The following PRR14L variants were observed in gnomAD, a reference collection of about 807,000 sequenced individuals.
The protein encoded by PRR14L is proline rich 14 like.
Under a neutral mutation model 155.0 loss-of-function variants are expected in PRR14L, and 80 were observed. That is an observed-to-expected ratio of 0.52 (90% confidence interval 0.43 to 0.62). PRR14L has a LOEUF of 0.62. Among genes scored for constraint, PRR14L ranks in the 20% least tolerant of loss-of-function variants. PRR14L has a pLI of 0.00. For synonymous variants in PRR14L, 883 were observed against 916.0 expected (o/e 0.96, Z 0.65); for missense variants, 2,469 against 2,548.0 (o/e 0.97, Z 0.67).
At chr22:31,727,455 G>C (rs9609354) in intron 2 of PRR14L, among the ~76,000 whole-genome samples, 81 of 151,496 alleles carry the variant, frequency 5.3e-4, no homozygotes, top group African/African-American at 1.9e-3. Flanking sequence ...AGCTGGTCTC[G>C]AACTCCTGAG....
chr22:31,715,750 T>C lies in PRR14L; in HGVS notation c.2089A>G (p.Arg697Gly). ...HQSHHPPLEG[R>G]ADVIADIQTI... The stretch of plus-strand genomic sequence containing the variant: ...TGTATATCAGCAATGACATCTGCTC[T>C]ACCCTCTAATGGAGGGTGATGGCTC... The change falls in exon 4 of 9, where the codon AGA becomes GGA. Residue 697 changes from arginine to glycine, a missense_variant. Physicochemically the swap from Arg to Gly is moderately radical, Grantham distance 125. This residue lies in a region of PRR14L where 2,363 missense variants were observed against 2,371.6 expected (regional missense o/e 1.00). Coordinates refer to ENST00000327423, the MANE Select transcript of PRR14L (RefSeq NM_173566.3). 2 of 1,551,786 alleles carry C rather than the reference T, an allele frequency of 1.3e-6. No homozygotes were observed. The highest frequency in any genetic ancestry group is 1.7e-6 in the Non-Finnish European group (2 of 1,146,716).
At chr22:31,742,274 T>C (rs2074817028) in intron 1 of PRR14L, among the ~76,000 whole-genome samples, 2 of 152,150 alleles carry the variant, frequency 1.3e-5, no homozygotes, top group Admixed American at 1.3e-4. Flanking sequence ...TTCTTAAAAC[T>C]TAATCCTTGA....
At position 31,716,548 on chromosome 22, in the gene PRR14L, C is replaced by A; in HGVS notation, c.1291G>T (p.Glu431Ter). 6.5e-7 allele frequency: 1 copy of A among 1,545,924 alleles called. No individual in the cohort carries two copies. Among genetic ancestry groups the A allele is most frequent in the Non-Finnish European group, 8.7e-7 (1 of 1,145,606 alleles). ...EKEISGRCSG[E>*]KEPVVSPKEN... ...TTTGGAGAAACAACAGGCTCTTTTT[C>A]ACCAGAACAACGACCACTAATCTCC... The change falls in exon 4 of 9, where the codon GAA becomes TAA. Residue 431 changes from glutamate to a stop codon, truncating the protein, a stop_gained. Coordinates refer to ENST00000327423, the MANE Select transcript of PRR14L (RefSeq NM_173566.3). LOFTEE classifies it high-confidence loss of function.
Position 31,688,243 on chromosome 22 carries a change from G to C in PRR14L, c.6108-16C>G, listed in dbSNP as rs768530118. 6.4e-7 allele frequency: 1 copy of C among 1,558,658 alleles called. No individual in the cohort carries two copies. Among genetic ancestry groups the C allele is most frequent in the East Asian group, 2.3e-5 (1 of 43,760 alleles). Reference sequence around the variant, plus strand: ...CTTCTTTAACCTGAAAAGAAATAAGGAAAAAAATTCTTCAGGTTCTCTCTC... The same window carrying C: ...CTTCTTTAACCTGAAAAGAAATAAGCAAAAAAATTCTTCAGGTTCTCTCTC... On this transcript the variant is annotated splice_polypyrimidine_tract_variant and intron_variant, in intron 7 of 8. Coordinates refer to ENST00000327423, the MANE Select transcript of PRR14L (RefSeq NM_173566.3).
At position 31,716,917 on chromosome 22, in the gene PRR14L, C is replaced by T; in HGVS notation, c.922G>A (p.Ala308Thr). Residue 308 changes from alanine to threonine, a missense_variant, in exon 4 of 9, where the codon GCA (alanine) becomes ACA (threonine). By Grantham distance (58) the Ala-to-Thr change is moderately conservative. Around this residue, in one of 2 missense-constraint regions of PRR14L, gnomAD observed 2,363 missense variants for 2,371.6 expected, o/e 1.00. Transcript: ENST00000327423. ...ELCKPNLVCE[A>T]DDNHQQLHGH... Reference sequence around the variant, plus strand: ...TGAAGCTGTTGGTGATTGTCATCTGCTTCACAGACCAGGTTTGGTTTACAC... The same window carrying T: ...TGAAGCTGTTGGTGATTGTCATCTGTTTCACAGACCAGGTTTGGTTTACAC... 6.4e-7 allele frequency: 1 copy of T among 1,552,060 alleles called. No individual in the cohort carries two copies.
At chr22:31,689,346 T>C (rs528282053) in intron 7 of PRR14L, among the ~76,000 whole-genome samples, 1 of 152,124 alleles carries the variant, frequency 6.6e-6, no homozygotes, top group East Asian at 1.9e-4. Flanking sequence ...AAGAAAAAAC[T>C]GGCCCTGAAT....
intron 2 of PRR14L, among the ~76,000 whole-genome samples, chr22:31,729,200 A>G (rs2074734437): frequency 6.6e-6 from 1 of 152,148 alleles, no homozygotes; most frequent in Non-Finnish European, 1.5e-5. Flanking sequence ...CAAAATTATT[A>G]GTTGCAAATT....
In PRR14L at chr22:31,738,446, C is replaced by T. The variant is rs1195612201; in HGVS notation, c.415G>A (p.Ala139Thr). The change falls in exon 2 of 9, where the codon GCA becomes ACA. Residue 139 changes from alanine (A) to threonine (T), a missense_variant. Physicochemically the swap from Ala to Thr is moderately conservative, Grantham distance 58. Transcript: ENST00000327423. ...AGIIREPSEG[A>T]KEDPHQHSTA... Reference sequence around the variant, plus strand: ...GAATGTTGATGTGGATCTTCCTTTGCTCCCTCAGAGGGTTCTCTTATAATT... The same window carrying T: ...GAATGTTGATGTGGATCTTCCTTTGTTCCCTCAGAGGGTTCTCTTATAATT... 1.3e-6 allele frequency: 2 copies of T among 1,552,334 alleles called. No homozygotes were observed. The highest frequency in any genetic ancestry group is 4.9e-5 in the East Asian group (2 of 40,928).
intron 1 of PRR14L, among the ~76,000 whole-genome samples, chr22:31,747,808 CAA>C (rs560956513): frequency 5.4e-5 from 6 of 112,014 alleles, no homozygotes; most frequent in Admixed American, 9.2e-5. Flanking sequence ...CCTATCCCAC[CAA>C]AAAAAAAAAA....
chr22:31,688,268 C>T (rs2074492452), intron 7 of PRR14L, 41 bp from the exon 8 acceptor site: 1 of 1,520,192 alleles, frequency 6.6e-7, no homozygotes, highest in Non-Finnish European at 8.8e-7. Flanking sequence ...GGTTCTCTCT[C>T]TCTTTTTTTT....
In PRR14L at chr22:31,715,664, A is replaced by C. The variant is rs1297954494; in HGVS notation, c.2175T>G (p.Gly725=). 6.4e-7 allele frequency: 1 copy of C among 1,552,126 alleles called. No homozygotes were observed. The highest frequency in any genetic ancestry group is 8.7e-7 in the Non-Finnish European group (1 of 1,147,016). The change falls in exon 4 of 9, where the codon GGT becomes GGG. Residue 725 remains glycine (G), a synonymous_variant. Transcript: ENST00000327423. The part of the protein sequence containing the change: ...DISPPGNQTC[G]ASSNCPTLNI... ...TTAAGGTGGGACAGTTTGAAGAGGC[A>C]CCACAGGTTTGGTTACCTGGTGGAG...
At chr22:31,690,996 C>T (rs2074508781) in intron 7 of PRR14L, among the ~76,000 whole-genome samples, 1 of 149,564 alleles carries the variant, frequency 6.7e-6, no homozygotes, top group Non-Finnish European at 1.5e-5. Flanking sequence ...CCAAGTCTCA[C>T]TCTGTCACCC....
chr22:31,713,849 A>G lies in PRR14L; in HGVS notation c.3990T>C (p.Asp1330=). The G allele has an allele frequency of 1.3e-6, 2 of 1,552,226 alleles. No homozygotes were observed. Among genetic ancestry groups the G allele is most frequent in the South Asian group, 1.2e-5 (1 of 84,062 alleles). The change falls in exon 4 of 9, where the codon GAT becomes GAC. Residue 1330 remains aspartate (D), a synonymous_variant. Coordinates refer to ENST00000327423, the MANE Select transcript of PRR14L (RefSeq NM_173566.3). The part of the protein sequence containing the change: ...DRHLPLTVKT[D]IKVKGEETEE... ...CGGTTTCTTCTCCTTTCACTTTAAT[A>G]TCTGTTTTCACTGTCAAAGGCAAAT...
At position 31,712,606 on chromosome 22, in the gene PRR14L, C is replaced by T. The variant is rs1396573056; in HGVS notation, c.5233G>A (p.Ala1745Thr). 6.4e-7 allele frequency: 1 copy of T among 1,551,668 alleles called. No individual in the cohort carries two copies. Among genetic ancestry groups the T allele is most frequent in the East Asian group, 2.4e-5 (1 of 40,920 alleles). The part of the protein sequence containing the change: ...SRTFPEHCAP[A>T]RLALGEALQC... ...AGGGCCTCTCCTAAGGCAAGCCTTG[C>T]CGGAGCACAGTGCTCAGGAAAAGTC... Residue 1745 changes from alanine (A) to threonine (T), a missense_variant, in exon 4 of 9, where the codon GCA becomes ACA. This residue lies in a region of PRR14L where 2,363 missense variants were observed against 2,371.6 expected (regional missense o/e 1.00). Coordinates refer to ENST00000327423, the MANE Select transcript of PRR14L (RefSeq NM_173566.3).
rs533125924 is a variant in PRR14L at position 31,737,353 on chromosome 22, T to A, written c.474+1034A>T. Among the ~76,000 whole-genome samples the A allele has an allele frequency of 7.2e-5, 11 of 151,836 alleles. No homozygotes were observed. In the East Asian group the frequency reaches 1.4e-3, roughly 19 times the overall value. On this transcript the variant is annotated intron_variant, in intron 2 of 8. Transcript: ENST00000327423. Reference sequence around the variant, plus strand: ...AAAATTAGCCGGGCGTAATGGTAGGTGCCTATAATCCTAGCTACTCAGGAA... The same window carrying A: ...AAAATTAGCCGGGCGTAATGGTAGGAGCCTATAATCCTAGCTACTCAGGAA...
chr22:31,684,679 GTC>G lies in PRR14L; in HGVS notation c.*846_*847del, dbSNP rs1015613702. On this transcript the variant is annotated 3_prime_UTR_variant, in exon 9 of 9. Transcript: ENST00000327423. ...CCTGAAACACATGAATAGGAAAAAT[GTC>G]TCTTCCATGCAGCGATCAACTGGGT... 2 of 152,166 alleles carry G rather than the reference GTC, an allele frequency of 1.3e-5. No homozygotes were observed. Among genetic ancestry groups the G allele is most frequent in the Admixed American group, 6.5e-5 (1 of 15,272 alleles). 9.4% of individuals were successfully genotyped at this position (152,166 alleles called of 1,614,324 possible). A position where few individuals can be genotyped will look rare whatever the true frequency, so the allele number is the denominator to read the frequency against.
chr22:31,716,256 T>C lies in PRR14L; in HGVS notation c.1583A>G (p.Glu528Gly), dbSNP rs1268883710. 3.9e-6 allele frequency: 6 copies of C among 1,551,458 alleles called. No homozygotes were observed. In the Admixed American group the frequency reaches 1.2e-4, roughly 30 times the overall value. ...IEEAGQTTPV[E>G]PNILSKSFYT... The stretch of plus-strand genomic sequence containing the variant: ...AAAAGATTTACTTAATATATTGGGC[T>C]CTACAGGGGTTGTCTGTCCTGCCTC... The change falls in exon 4 of 9, where the codon GAG becomes GGG. Residue 528 changes from glutamate to glycine, a missense_variant. Physicochemically the swap from Glu to Gly is moderately conservative, Grantham distance 98 (BLOSUM62 -2). Around this residue, in one of 2 missense-constraint regions of PRR14L, gnomAD observed 2,363 missense variants for 2,371.6 expected, o/e 1.00. Coordinates refer to ENST00000327423, the MANE Select transcript of PRR14L (RefSeq NM_173566.3).
chr22:31,712,906 G>T lies in PRR14L; in HGVS notation c.4933C>A (p.Leu1645Ile). The change falls in exon 4 of 9, where the codon CTT becomes ATT. Residue 1645 changes from leucine to isoleucine, a missense_variant. Around this residue, in one of 2 missense-constraint regions of PRR14L, gnomAD observed 2,363 missense variants for 2,371.6 expected, o/e 1.00. Transcript: ENST00000327423. ...CGCTTGTAGCTTTTAGCCATTGGAA[G>T]AAGTTCAGAGGAACACCGTCGGTAT... ...LRYRRCSSEL[L>I]PMAKSYKRLR... 6.4e-7 allele frequency: 1 copy of T among 1,551,850 alleles called. No homozygotes were observed. Among genetic ancestry groups the T allele is most frequent in the Non-Finnish European group, 8.7e-7 (1 of 1,147,022 alleles).
intron 1 of PRR14L, among the ~76,000 whole-genome samples, chr22:31,740,969 CA>C (rs1288895364): frequency 6.6e-6 from 1 of 150,738 alleles, no homozygotes; most frequent in African/African-American, 2.4e-5. Context: ...TGGTGAAATC[CA>C]AGGCGGGGCA....
Sources: allele counts gnomAD v4.1 joint callset (sites outside exome capture counted in the v4.1 genomes callset), GRCh38; gene constraint gnomAD v4.1.1; regional missense constraint gnomAD v4.1.1; transcripts MANE v1.5; gene names NCBI Gene and HGNC (gene_info 2026-07-23, HGNC 2026-07-21).